The following MICAL2 variants were observed in gnomAD, a reference collection of about 807,000 sequenced individuals.
MICAL2 encodes microtubule associated monooxygenase, calponin and LIM domain containing 2.
Under a neutral mutation model 127.3 loss-of-function variants are expected in MICAL2, and 77 were observed. That is an observed-to-expected ratio of 0.60 (90% CI 0.50 to 0.73). MICAL2 has a LOEUF of 0.73. Ranked by LOEUF, MICAL2 falls within the 30% of genes least tolerant of loss-of-function variation. The pLI is 0.00. For missense variants in MICAL2, 1,351 were observed against 1,434.4 expected, an observed-to-expected ratio of 0.94 and a Z score of 0.94; for synonymous variants, 570 against 551.1, an observed-to-expected ratio of 1.03 and a Z score of -0.48.
chr11:12,198,688 G>A (rs376289759), intron 3 of MICAL2, among the ~76,000 whole-genome samples: 26 of 152,286 alleles, frequency 1.7e-4, no homozygotes, highest in African/African-American at 5.8e-4. Context: ...GGAGGACTGC[G>A]GCTACCAGGA....
intron 3 of MICAL2, 76 bp downstream of exon 3, chr11:12,162,495 A>G: frequency 1.3e-6 from 2 of 1,554,518 alleles, no homozygotes; most frequent in Admixed American, 1.8e-5. Context: ...AGCTGTTGCC[A>G]TTTTGGCACT....
chr11:12,349,405 C>T (rs185269552), intron 32 of MICAL2, among the ~76,000 whole-genome samples: 2 of 152,262 alleles, frequency 1.3e-5, no homozygotes, highest in East Asian at 3.9e-4. Context: ...TGGAAGGAGC[C>T]ACACACCACC....
At chr11:12,231,611 G>A (rs188711162) in intron 15 of MICAL2, among the ~76,000 whole-genome samples, 19 of 152,334 alleles carry the variant, frequency 1.2e-4, no homozygotes, top group East Asian at 5.8e-4. Flanking sequence ...AACGAAACAA[G>A]CGAGGACCCT....
chr11:12,242,610 C>G, intron 19 of MICAL2, 61 bp from the exon 20 acceptor site: 1 of 1,530,212 alleles, frequency 6.5e-7, no homozygotes, highest in East Asian at 2.3e-5. Context: ...TCTTGGAAGC[C>G]AACTGTCTCA....
At position 12,255,663 on chromosome 11, in the gene MICAL2, C is replaced by T. The variant is rs1280242442; in HGVS notation, c.2868C>T (p.Ser956=). 1 of 1,613,980 alleles carries T rather than the reference C, an allele frequency of 6.2e-7. No homozygotes were observed. The change falls in exon 23 of 28, where the codon TCC becomes TCT. Residue 956 remains serine, a synonymous_variant. Coordinates refer to ENST00000683283, the MANE Select transcript of MICAL2 (RefSeq NM_001282663.2). The part of the protein sequence containing the change: ...VHPQLTVGKV[S]SGIGAAAEVL... ...GTTAGCTGACGGTAGGGAAAGTGTC[C>T]AGCGGAATAGGGGCTGCAGCTGAAG... is the stretch of plus-strand genomic sequence containing the variant.
At position 12,262,430 on chromosome 11, in the gene MICAL2, T is replaced by C. The variant is rs114830463; in HGVS notation, c.3335-50T>C. The C allele has an allele frequency of 8.9e-4, 1,440 of 1,611,162 alleles. 15 individuals are homozygous for C. In the African/African-American group the frequency reaches 0.016, roughly 18 times the overall value. On this transcript the variant is annotated intron_variant, in intron 26 of 27. Transcript: ENST00000683283. ...ATTTCCTTTTTTCCCCACACTAAGCTCTCTTTTCTATCTTTCTCTCTCTTT... is the reference window on the plus strand; with the variant it reads ...ATTTCCTTTTTTCCCCACACTAAGCCCTCTTTTCTATCTTTCTCTCTCTTT...
intron 1 of MICAL2, among the ~76,000 whole-genome samples, chr11:12,277,172 C>G (rs574129519): frequency 6.6e-6 from 1 of 152,106 alleles, no homozygotes; most frequent in Admixed American, 6.5e-5. Flanking sequence ...TGCTCTGGAG[C>G]CTGCGTGTCA....
At chr11:12,202,113 A>G (rs1262166531) in intron 3 of MICAL2, among the ~76,000 whole-genome samples, 1 of 106,978 alleles carries the variant, frequency 9.3e-6, no homozygotes, top group Non-Finnish European at 2.0e-5. Context: ...CAAGAGTGAA[A>G]CTGTGTCTCA....
intron 32 of MICAL2, among the ~76,000 whole-genome samples, chr11:12,327,515 C>A (rs1222027633): frequency 6.6e-6 from 1 of 152,226 alleles, no homozygotes; most frequent in African/African-American, 2.4e-5. Flanking sequence ...AGCCCGCGGG[C>A]CTTGTAACTG....
At position 12,249,239 on chromosome 11, in the gene MICAL2, A is replaced by G. The variant is rs375256908; in HGVS notation, c.2840A>G (p.His947Arg). 37 of 1,583,406 alleles carry G rather than the reference A, an allele frequency of 2.3e-5. No individual in the cohort carries two copies. In the African/African-American group the frequency reaches 4.6e-4, roughly 20 times the overall value. The change falls in exon 22 of 28, where the codon CAT (histidine) becomes CGT (arginine). Residue 947 changes from histidine to arginine, a missense_variant. This residue lies in a region of MICAL2 where 752 missense variants were observed against 719.4 expected (regional missense o/e 1.05). Coordinates refer to ENST00000683283, the MANE Select transcript of MICAL2 (RefSeq NM_001282663.2). The part of the protein sequence containing the change: ...HFHPSHLRTV[H>R]PQLTVGKVSS... ...CATCCCAGCCATTTGAGAACAGTGC[A>G]TCCTCAGGTGAGTTAGAGCCTCCCT...
chr11:12,234,539 A>G (rs1858756605), intron 15 of MICAL2, among the ~76,000 whole-genome samples: 1 of 152,232 alleles, frequency 6.6e-6, no homozygotes, highest in Non-Finnish European at 1.5e-5. Flanking sequence ...CATTCACAGA[A>G]TAATGATTTA....
chr11:12,251,621 G>A lies in MICAL2; in HGVS notation c.2847+2375G>A, dbSNP rs529408182. Reference sequence around the variant, plus strand: ...AAAAAAAAAGGAATGTCACCCTCTCGGGGTGGATGTGTGGGTGCCACGGGG... The same window carrying A: ...AAAAAAAAAGGAATGTCACCCTCTCAGGGTGGATGTGTGGGTGCCACGGGG... On this transcript the variant is annotated intron_variant, in intron 22 of 27. Transcript: ENST00000683283. Among the ~76,000 whole-genome samples, 34 of 151,176 alleles carry A rather than the reference G, an allele frequency of 2.2e-4. No homozygotes were observed. In the East Asian group the frequency reaches 6.0e-3, roughly 27 times the overall value.
At chr11:12,204,596 G>C (rs1483411566) in intron 4 of MICAL2, 139 bp downstream of exon 4, 9 of 805,288 alleles carry the variant, frequency 1.1e-5, no homozygotes, top group East Asian at 5.3e-5. Flanking sequence ...CAGACAACTA[G>C]TAAAAGGCCT....
intron 3 of MICAL2, among the ~76,000 whole-genome samples, chr11:12,183,142 C>T (rs1857693999): frequency 6.7e-6 from 1 of 150,138 alleles, no homozygotes; most frequent in Non-Finnish European, 1.5e-5. Flanking sequence ...GGCTTAATGC[C>T]TTCATGAAAC....
chr11:12,188,279 T>C (rs10831754), intron 3 of MICAL2, among the ~76,000 whole-genome samples: 14,354 of 152,324 alleles, frequency 0.094, 855 homozygotes, highest in African/African-American at 0.17. Context: ...TAACTTCCTA[T>C]TTCTTGTCAC....
intron 1 of MICAL2, among the ~76,000 whole-genome samples, chr11:12,113,037 G>A (rs879884555): frequency 8.5e-5 from 13 of 152,116 alleles, no homozygotes; most frequent in Non-Finnish European, 1.6e-4. Context: ...CTGGCAGGAC[G>A]GGACGTGGTA....
rs752077826 is a variant in MICAL2, at chr11:12,323,975, TAGG to T, written c.5329_5331del (p.Glu1777del). On this transcript the variant is annotated splice_acceptor_variant and coding_sequence_variant, in exon 31 of 35. Transcript: ENST00000646065. LOFTEE classifies it high-confidence loss of function. ...TAATTTTTTTCTCCATTGGTTTTCA[TAGG>T]AGAAGAAGACACTTAGAAGAAGAAA... The T allele has an allele frequency of 1.3e-6, 2 of 1,595,432 alleles. No homozygotes were observed. Among genetic ancestry groups the T allele is most frequent in the Non-Finnish European group, 1.7e-6 (2 of 1,173,478 alleles).
At position 12,255,530 on chromosome 11, in the gene MICAL2, A is replaced by T. The variant is rs77831856; in HGVS notation, c.2848-113A>T. On this transcript the variant is annotated intron_variant, in intron 22 of 27. Coordinates refer to ENST00000683283, the MANE Select transcript of MICAL2 (RefSeq NM_001282663.2). ...TGCTTCTCCTGGGTCGTGGGGTGCT[A>T]TTTGCATGTGGGTGAGGAGCCCTCT... The T allele has an allele frequency of 1.4e-5, 12 of 874,298 alleles. No individual in the cohort carries two copies. In the Admixed American group the frequency reaches 2.5e-4, roughly 18 times the overall value. 54.2% of individuals were successfully genotyped at this position (874,298 alleles called of 1,614,324 possible).
At chr11:12,301,997 C>T (rs925132005) in intron 29 of MICAL2, among the ~76,000 whole-genome samples, 9 of 152,244 alleles carry the variant, frequency 5.9e-5, no homozygotes, top group South Asian at 4.1e-4. Context: ...CCTGTCATCC[C>T]GTGTCGGCTA....
Sources: gnomAD v4.1 joint callset for allele counts (sites outside exome capture counted in the v4.1 genomes callset) on GRCh38, gnomAD v4.1.1 for gene constraint, gnomAD v4.1.1 regional missense constraint, MANE v1.5 for transcripts, NCBI Gene and HGNC (gene_info 2026-07-23, HGNC 2026-07-21) for gene names.